Variants in ADGRE3 observed in about 807,000 individuals in gnomAD.
ADGRE3 encodes the protein adhesion G protein-coupled receptor E3.
ADGRE3 carries 88 observed loss-of-function variants against 80.1 expected under a neutral mutation model. That is an observed-to-expected ratio of 1.10 (90% CI 0.93 to 1.31). The LOEUF (loss-of-function observed/expected upper bound fraction) is 1.31. Among genes scored for constraint, ADGRE3 ranks in the 40% most tolerant of loss-of-function variants. The pLI is 0.00. For synonymous variants in ADGRE3, 281 were observed against 294.8 expected (o/e 0.95, Z 0.48); for missense variants, 715 against 776.5 (o/e 0.92, Z 0.94).
At chr19:14,672,173 G>T (rs1286929540) in intron 1 of ADGRE3, among the ~76,000 whole-genome samples, 1 of 152,194 alleles carries the variant, frequency 6.6e-6, no homozygotes, top group East Asian at 1.9e-4. Context: ...AACTCAGGCA[G>T]TCTGGGGGAC....
chr19:14,664,750 T>G (rs1018702224), intron 2 of ADGRE3, among the ~76,000 whole-genome samples: 2 of 151,890 alleles, frequency 1.3e-5, no homozygotes. Flanking sequence ...TATGGTACCA[T>G]GGGAGGGAGA....
At chr19:14,655,257 T>C in intron 5 of ADGRE3, 92 bp from the exon 6 acceptor site, 1 of 1,191,214 alleles carries the variant, frequency 8.4e-7, no homozygotes, top group Non-Finnish European at 1.2e-6. Context: ...GAAAGCAGGC[T>C]CTGGAGCTGG....
At chr19:14,665,236 G>A (rs969336579) in intron 2 of ADGRE3, among the ~76,000 whole-genome samples, 2 of 151,412 alleles carry the variant, frequency 1.3e-5, no homozygotes, top group Non-Finnish European at 2.9e-5. Context: ...GCTAATTTTT[G>A]TATTTTTAGT....
rs1230460812 is a variant in ADGRE3 at position 14,644,240 on chromosome 19, G to A, written c.918C>T (p.Tyr306=). ...TPSTKKVFCV[Y]WKSTGQGSQW... ...GGCTGCCCTGCCCTGTGCTCTTCCA[G>A]TAGACACAGAAGACCTTTTTGGTAC... Residue 306 remains tyrosine, a synonymous_variant, in exon 9 of 16, where the codon TAC becomes TAT. Coordinates refer to ENST00000253673, the MANE Select transcript of ADGRE3 (RefSeq NM_032571.5). 6.3e-7 allele frequency: 1 copy of A among 1,589,356 alleles called. No homozygotes were observed. The highest frequency in any genetic ancestry group is 2.3e-5 in the East Asian group (1 of 43,752).
intron 14 of ADGRE3, among the ~76,000 whole-genome samples, 160 bp downstream of exon 14, chr19:14,629,879 A>G (rs1363501208): frequency 1.3e-5 from 2 of 152,164 alleles, no homozygotes; most frequent in African/African-American, 4.8e-5. Context: ...GTATCTTAAC[A>G]ACTAGTAGCA....
intron 1 of ADGRE3, among the ~76,000 whole-genome samples, chr19:14,673,099 C>T (rs913722251): frequency 2.0e-5 from 3 of 152,170 alleles, no homozygotes; most frequent in Admixed American, 6.5e-5. Flanking sequence ...TACTGAAACA[C>T]CTCTTATATA....
At chr19:14,638,371 G>A in intron 10 of ADGRE3, 31 bp from the exon 11 acceptor site, 2 of 1,561,272 alleles carry the variant, frequency 1.3e-6, no homozygotes, top group African/African-American at 1.4e-5. Context: ...GCCTGAAGGG[G>A]TTGTCAGGGT....
chr19:14,641,317 A>G, intron 10 of ADGRE3, 102 bp downstream of exon 10: 1 of 1,434,052 alleles, frequency 7.0e-7, no homozygotes, highest in Non-Finnish European at 9.8e-7. Context: ...TTTCTCCTCT[A>G]CAGACCCAAG....
intron 14 of ADGRE3, chr19:14,628,712 G>T: frequency 2.6e-6 from 1 of 384,998 alleles, no homozygotes; most frequent in Non-Finnish European, 5.2e-6. Flanking sequence ...TAGCAGACTG[G>T]GATGGATCTA....
downstream of ADGRE3, among the ~76,000 whole-genome samples, chr19:14,616,831 G>T (rs966386910): frequency 1.0e-4 from 13 of 130,236 alleles, no homozygotes; most frequent in African/African-American, 3.8e-4. Context: ...TTTCGCTCTT[G>T]TTGCCCAGTC....
chr19:14,620,361 G>A (rs947384029), intron 15 of ADGRE3, among the ~76,000 whole-genome samples: 5 of 54,206 alleles, frequency 9.2e-5, no homozygotes, highest in Admixed American at 3.9e-4. Flanking sequence ...CAAAGCTAAT[G>A]TATTTCTTAA....
chr19:14,611,783 C>T, the ADGRE3 span, among the ~76,000 whole-genome samples: 2 of 152,128 alleles, frequency 1.3e-5, no homozygotes, highest in Non-Finnish European at 2.9e-5. Flanking sequence ...GGGCTGATCA[C>T]CTGGGGTCAG....
the ADGRE3 span, among the ~76,000 whole-genome samples, chr19:14,601,892 A>G: frequency 6.6e-6 from 1 of 151,966 alleles, no homozygotes; most frequent in South Asian, 2.1e-4. Flanking sequence ...TCCCGGGTTC[A>G]CGCCATTTTC....
downstream of ADGRE3, among the ~76,000 whole-genome samples, chr19:14,617,904 C>T (rs1374387232): frequency 6.6e-6 from 1 of 151,952 alleles, no homozygotes; most frequent in Non-Finnish European, 1.5e-5. Flanking sequence ...CAGACAGGTG[C>T]TAAAGAAAAA....
At chr19:14,607,836 A>G in the ADGRE3 span, among the ~76,000 whole-genome samples, 4 of 151,582 alleles carry the variant, frequency 2.6e-5, no homozygotes, top group African/African-American at 9.7e-5. Context: ...TTGGCCTCCC[A>G]AAGTGTTGGG....
intron 12 of ADGRE3, 75 bp downstream of exon 12, chr19:14,633,161 G>A: frequency 7.1e-7 from 1 of 1,400,792 alleles, no homozygotes; most frequent in South Asian, 1.2e-5. Context: ...GGAAATGCAA[G>A]CCCCTTGTAC....
At chr19:14,665,553 G>C (rs1398545303) in intron 2 of ADGRE3, among the ~76,000 whole-genome samples, 1 of 151,968 alleles carries the variant, frequency 6.6e-6, no homozygotes, top group Non-Finnish European at 1.5e-5. Context: ...TGCAGTGGCA[G>C]ATCATAGCTC....
intron 7 of ADGRE3, among the ~76,000 whole-genome samples, chr19:14,649,455 T>G (rs1030604352): frequency 5.1e-4 from 74 of 146,366 alleles, no homozygotes; most frequent in African/African-American, 1.8e-3. Context: ...TCTCTCTCTT[T>G]CCACCTTTTT....
At chr19:14,611,944 C>T in the ADGRE3 span, among the ~76,000 whole-genome samples, 2 of 152,172 alleles carry the variant, frequency 1.3e-5, no homozygotes, top group Non-Finnish European at 2.9e-5. Flanking sequence ...GCGGAGGTTG[C>T]AGTGAGCCGA....
Sources: gnomAD v4.1 joint callset for allele counts (sites outside exome capture counted in the v4.1 genomes callset) on GRCh38, gnomAD v4.1.1 for gene constraint, MANE v1.5 for transcripts, NCBI Gene and HGNC (gene_info 2026-07-23, HGNC 2026-07-21) for gene names.